The following CYP19A1 variants were observed in gnomAD, a reference collection of about 807,000 sequenced individuals.
The protein encoded by CYP19A1 is aromatase.
A neutral mutation model predicts 44.4 loss-of-function variants in CYP19A1; 32 were observed. The observed-to-expected ratio is 0.72, with a 90% CI of 0.54 to 0.97. The LOEUF is 0.97. Ranked by LOEUF, CYP19A1 falls within the 50% of genes least tolerant of loss-of-function variation. The pLI is 0.00. For missense variants in CYP19A1, 598 were observed against 637.8 expected (o/e 0.94, Z 0.67); for synonymous variants, 212 against 215.6 (o/e 0.98, Z 0.14).
intron 1 of CYP19A1, among the ~76,000 whole-genome samples, chr15:51,248,702 C>A (rs192296376): frequency 2.0e-5 from 3 of 152,164 alleles, no homozygotes; most frequent in African/African-American, 2.4e-5. Context: ...AGTGTCCAGG[C>A]CTTCATACGT....
chr15:51,276,977 G>A (rs2035331703), intron 1 of CYP19A1, among the ~76,000 whole-genome samples: 1 of 151,264 alleles, frequency 6.6e-6, no homozygotes, highest in South Asian at 2.1e-4. Context: ...TCAGCATACA[G>A]TTCAATTTAA....
At chr15:51,305,185 C>G (rs58423588) in intron 1 of CYP19A1, among the ~76,000 whole-genome samples, 5,449 of 152,120 alleles carry the variant, frequency 0.036, 255 homozygotes, top group East Asian at 0.14. Flanking sequence ...CAGGCGTGAT[C>G]CATCGCGCCC....
At chr15:51,318,141 AG>A (rs2036462121) in intron 1 of CYP19A1, among the ~76,000 whole-genome samples, 2 of 152,172 alleles carry the variant, frequency 1.3e-5, no homozygotes, top group Non-Finnish European at 2.9e-5. Flanking sequence ...CTGTGTAGTA[AG>A]TACCAATGTG....
In CYP19A1 at chr15:51,215,757, T is replaced by C; in HGVS notation, c.804A>G (p.Thr268=). 1 of 1,614,068 alleles carries C rather than the reference T, an allele frequency of 6.2e-7. No individual in the cohort carries two copies. Among genetic ancestry groups the C allele is most frequent in the Non-Finnish European group, 8.5e-7 (1 of 1,179,972 alleles). ...CCATACATTCTTCCAGTTTCTCTTC[T>C]GTGGAAATCCTGCGTCTTTTTTCTG... ...LIAEKRRRIS[T]EEKLEECMDF... The change falls in exon 7 of 10, where the codon ACA becomes ACG. Residue 268 remains threonine, a synonymous_variant. Transcript: ENST00000396402.
At chr15:51,271,043 A>G (rs1225721558) in intron 1 of CYP19A1, among the ~76,000 whole-genome samples, 1 of 148,758 alleles carries the variant, frequency 6.7e-6, no homozygotes, top group African/African-American at 2.5e-5. Flanking sequence ...AAGTCTAAGC[A>G]TTTTTTTTTT....
chr15:51,220,733 G>A (rs889916845), intron 5 of CYP19A1, among the ~76,000 whole-genome samples: 1 of 152,136 alleles, frequency 6.6e-6, no homozygotes, highest in Non-Finnish European at 1.5e-5. Flanking sequence ...TCTTTATGCT[G>A]AGAACATTCA....
Position 51,227,925 on chromosome 15 carries a change from C to G in CYP19A1, c.305G>C (p.Ser102Thr), listed in dbSNP as rs755257022. ...ATTGTGCTTCATTATGTGGAACATA[C>G]TTGAGGACCTGAAAAGACAGGAAAC... ...EETLIISKSS[S>T]MFHIMKHNHY... is the part of the protein sequence containing the mutation. The change falls in exon 4 of 10, where the codon AGT (serine) becomes ACT (threonine). Residue 102 changes from serine (S) to threonine (T), a missense_variant. Transcript: ENST00000396402. The G allele has an allele frequency of 6.3e-7, 1 of 1,588,892 alleles. No individual in the cohort carries two copies.
intron 1 of CYP19A1, among the ~76,000 whole-genome samples, chr15:51,304,660 G>C (rs1286583766): frequency 1.3e-5 from 2 of 152,140 alleles, no homozygotes; most frequent in African/African-American, 4.8e-5. Context: ...GGAGATTATT[G>C]AAGTTATTCT....
chr15:51,321,375 G>A (rs776861602), intron 1 of CYP19A1, among the ~76,000 whole-genome samples: 4 of 151,966 alleles, frequency 2.6e-5, no homozygotes, highest in Non-Finnish European at 4.4e-5. Context: ...TGCTCACCCT[G>A]CTCCCTCTGC....
chr15:51,328,547 GGTGTGTGTGTGTGTGTGT>G, intron 1 of CYP19A1, among the ~76,000 whole-genome samples: 1 of 147,318 alleles, frequency 6.8e-6, no homozygotes, highest in Non-Finnish European at 1.5e-5. Flanking sequence ...ACAGGGCAGG[GGTGTGTGTGTGTGTGTGT>G]GTGTGTGTGT....
intron 3 of CYP19A1, 119 bp from the exon 4 acceptor site, chr15:51,228,052 T>C: frequency 2.7e-6 from 2 of 747,818 alleles, no homozygotes; most frequent in Non-Finnish European, 4.9e-6. Flanking sequence ...GCAATGTGCA[T>C]GATTTCTAGT....
intron 1 of CYP19A1, among the ~76,000 whole-genome samples, chr15:51,256,377 G>A (rs2034514848): frequency 1.3e-5 from 2 of 152,120 alleles, no homozygotes; most frequent in Non-Finnish European, 2.9e-5. Flanking sequence ...GAAATCTGAG[G>A]GCAGCCAATG....
At chr15:51,225,497 C>T (rs2032495622) in intron 4 of CYP19A1, among the ~76,000 whole-genome samples, 1 of 152,156 alleles carries the variant, frequency 6.6e-6, no homozygotes, top group Admixed American at 6.5e-5. Flanking sequence ...AACTGAAGCT[C>T]AGAAAGGCGA....
At chr15:51,213,648 T>G (rs1430528964) in intron 8 of CYP19A1, among the ~76,000 whole-genome samples, 1 of 152,220 alleles carries the variant, frequency 6.6e-6, no homozygotes, top group Admixed American at 6.5e-5. Flanking sequence ...CAAATGGCTC[T>G]GCTGCTTTTC....
intron 1 of CYP19A1, among the ~76,000 whole-genome samples, chr15:51,254,303 G>T (rs1183112631): frequency 1.3e-5 from 2 of 152,176 alleles, no homozygotes; most frequent in African/African-American, 4.8e-5. Flanking sequence ...TAGTCGACAA[G>T]AACTAGGTTT....
In CYP19A1 at chr15:51,222,521, C is replaced by A. The variant is rs780449157; in HGVS notation, c.456G>T (p.Leu152=). 2 of 1,612,730 alleles carry A rather than the reference C, an allele frequency of 1.2e-6. No individual in the cohort carries two copies. Among genetic ancestry groups the A allele is most frequent in the East Asian group, 2.2e-5 (1 of 44,774 alleles). Residue 152 remains leucine (L), a synonymous_variant, in exon 5 of 10, where the codon CTG becomes CTT. Coordinates refer to ENST00000396402, the MANE Select transcript of CYP19A1 (RefSeq NM_000103.4). ...KTTRPFFMKA[L]SGPGLVRMVT... Reference sequence around the variant, plus strand: ...CCATACGAACAAGGCCGGGGCCTGACAGAGCTGCAGAGTACACATCAGAGA... The same window carrying A: ...CCATACGAACAAGGCCGGGGCCTGAAAGAGCTGCAGAGTACACATCAGAGA...
intron 1 of CYP19A1, among the ~76,000 whole-genome samples, chr15:51,300,960 G>A (rs2036100150): frequency 6.6e-6 from 1 of 152,154 alleles, no homozygotes; most frequent in Non-Finnish European, 1.5e-5. Context: ...GGAAAAAGAG[G>A]CCAACAGAAG....
Position 51,226,737 on chromosome 15 carries a change from G to A in CYP19A1, c.451+1042C>T, listed in dbSNP as rs549923439. 1.9e-4 allele frequency among the ~76,000 whole-genome samples: 29 copies of A among 151,466 alleles called. 1 individual carries two copies. In the South Asian group the frequency reaches 5.8e-3, roughly 30 times the overall value. ...CTTTATGCTTGATAGTAATGTCAAGGGTTAGTCGTGTGTATTCCCCAACAG... is the reference window on the plus strand; with the variant it reads ...CTTTATGCTTGATAGTAATGTCAAGAGTTAGTCGTGTGTATTCCCCAACAG... On this transcript the variant is annotated intron_variant, in intron 4 of 9. Coordinates refer to ENST00000396402, the MANE Select transcript of CYP19A1 (RefSeq NM_000103.4).
intron 2 of CYP19A1, among the ~76,000 whole-genome samples, chr15:51,238,749 G>A (rs1389901553): frequency 6.6e-6 from 1 of 152,190 alleles, no homozygotes; most frequent in Non-Finnish European, 1.5e-5. Context: ...ATTGAACCTT[G>A]TGCTTAGATT....
Sources: gnomAD v4.1 joint callset for allele counts (sites outside exome capture counted in the v4.1 genomes callset) on GRCh38, gnomAD v4.1.1 for gene constraint, MANE v1.5 for transcripts, NCBI Gene and HGNC (gene_info 2026-07-23, HGNC 2026-07-21) for gene names.